Variants in ZBTB20 observed in about 807,000 individuals in gnomAD.
The protein encoded by ZBTB20 is zinc finger and BTB domain containing 20, also known as zinc finger and BTB domain-containing protein 20.
ZBTB20 carries 9 observed loss-of-function variants against 56.9 expected under a neutral mutation model. That is an observed-to-expected ratio of 0.16 (90% CI 0.10 to 0.28). The LOEUF (loss-of-function observed/expected upper bound fraction) is 0.28, where lower values mean the gene tolerates loss of function less well. ZBTB20 is among the 10% of genes least tolerant of loss of function. The pLI is 1.00. For missense variants in ZBTB20, 655 were observed against 1,003.0 expected, an observed-to-expected ratio of 0.65 and a Z score of 4.69; for synonymous variants, 417 against 420.7, an observed-to-expected ratio of 0.99 and a Z score of 0.11.
rs1437612182 is a variant in ZBTB20 at position 114,748,345 on chromosome 3, CTTTCTTT to C, written c.-343+52749_-343+52755del. 5.7e-3 allele frequency among the ~76,000 whole-genome samples: 177 copies of C among 31,172 alleles called. 3 individuals carry two copies. The highest frequency in any genetic ancestry group is 0.01 in the African/African-American group (153 of 14,686). The allele number at this position is 31,172 out of a possible 152,430, so 20.5% of individuals were successfully genotyped here. The stretch of plus-strand genomic sequence containing the variant: ...TTCTTTCTTTCTTTCTTCTTTCTTT[CTTTCTTT>C]TCTCTCTCTCTCTCTCTCTCTCTCT... On this transcript the variant is annotated intron_variant, in intron 5 of 11. Transcript: ENST00000675478.
At chr3:114,607,118 AAATG>A (rs113831792) in intron 6 of ZBTB20, among the ~76,000 whole-genome samples, 25,539 of 151,608 alleles carry the variant, frequency 0.17, 2,381 homozygotes, top group Admixed American at 0.26. Flanking sequence ...ATAAATAAAT[AAATG>A]AATAAATTCT....
chr3:115,082,876 C>T (rs1399112255), intron 1 of ZBTB20, among the ~76,000 whole-genome samples: 1 of 151,966 alleles, frequency 6.6e-6, no homozygotes, highest in Non-Finnish European at 1.5e-5. Context: ...CTTAAATATA[C>T]TCATATTGTA....
At chr3:114,777,461 AC>A (rs1288196506) in intron 5 of ZBTB20, among the ~76,000 whole-genome samples, 13 of 152,174 alleles carry the variant, frequency 8.5e-5, no homozygotes, top group African/African-American at 3.1e-4. Context: ...CCAAGATCAC[AC>A]CATTGCATGC....
chr3:114,731,058 T>G (rs932215536), intron 5 of ZBTB20, among the ~76,000 whole-genome samples: 4 of 152,150 alleles, frequency 2.6e-5, no homozygotes, highest in South Asian at 4.1e-4. Flanking sequence ...CTTGAGTATT[T>G]TATTCTTGTA....
intron 5 of ZBTB20, among the ~76,000 whole-genome samples, chr3:114,699,462 AT>A (rs2063257174): frequency 1.3e-5 from 2 of 151,990 alleles, no homozygotes; most frequent in African/African-American, 4.8e-5. Context: ...GAAAAAAAAA[AT>A]TCTGGTTTAG....
chr3:114,366,408 A>C (rs1403595229), intron 10 of ZBTB20, among the ~76,000 whole-genome samples: 1 of 152,160 alleles, frequency 6.6e-6, no homozygotes, highest in East Asian at 1.9e-4. Context: ...GTGGGACTGT[A>C]ACCCTGAGAA....
At chr3:114,875,347 C>T (rs2076154059) in intron 4 of ZBTB20, among the ~76,000 whole-genome samples, 1 of 152,180 alleles carries the variant, frequency 6.6e-6, no homozygotes, top group African/African-American at 2.4e-5. Context: ...TTTGCACCTT[C>T]ACATTGAAAT....
chr3:114,464,191 G>A (rs1056667872), intron 7 of ZBTB20, among the ~76,000 whole-genome samples: 13 of 151,718 alleles, frequency 8.6e-5, no homozygotes, highest in Non-Finnish European at 1.2e-4. Context: ...TTTCTTGGGG[G>A]GCAATTTATG....
chr3:114,661,650 C>A (rs78803549), intron 6 of ZBTB20, among the ~76,000 whole-genome samples: 14,878 of 152,138 alleles, frequency 0.098, 855 homozygotes, highest in Middle Eastern at 0.16. Context: ...AGCACCACAG[C>A]ACATTTATAA....
chr3:114,705,746 C>T (rs764739423), intron 5 of ZBTB20, among the ~76,000 whole-genome samples: 20 of 152,200 alleles, frequency 1.3e-4, no homozygotes, highest in Non-Finnish European at 2.4e-4. Context: ...GTGAGCCATC[C>T]GAACACGGAG....
chr3:114,347,927 A>G (rs1048697315), intron 11 of ZBTB20, among the ~76,000 whole-genome samples: 5 of 152,244 alleles, frequency 3.3e-5, no homozygotes, highest in African/African-American at 1.2e-4. Context: ...CATAACTCAG[A>G]TTTATAAAAT....
chr3:114,414,131 G>A (rs138083639), intron 7 of ZBTB20, among the ~76,000 whole-genome samples: 5 of 152,190 alleles, frequency 3.3e-5, no homozygotes, highest in African/African-American at 1.2e-4. Flanking sequence ...GAGGTAAAAG[G>A]CATGCTGCTA....
chr3:115,109,596 C>T (rs187041344), intron 1 of ZBTB20, among the ~76,000 whole-genome samples: 12 of 152,084 alleles, frequency 7.9e-5, no homozygotes, highest in Admixed American at 2.0e-4. Context: ...AAGTAGTAAA[C>T]GTCGGGCCTA....
At chr3:114,403,133 T>C (rs2086970963) in intron 7 of ZBTB20, among the ~76,000 whole-genome samples, 1 of 152,192 alleles carries the variant, frequency 6.6e-6, no homozygotes, top group South Asian at 2.1e-4. Context: ...TTAATATTTT[T>C]AAATGATTGA....
At chr3:114,413,064 G>A (rs991824664) in intron 7 of ZBTB20, among the ~76,000 whole-genome samples, 1 of 151,910 alleles carries the variant, frequency 6.6e-6, no homozygotes, top group Non-Finnish European at 1.5e-5. Context: ...AAAAGGTAAC[G>A]GCAACTCATG....
intron 2 of ZBTB20, among the ~76,000 whole-genome samples, chr3:114,978,496 T>A (rs1423643696): frequency 6.6e-6 from 1 of 151,556 alleles, no homozygotes; most frequent in Non-Finnish European, 1.5e-5. Flanking sequence ...TCATTAGACA[T>A]GGCAAGTGAA....
chr3:114,714,689 C>T (rs1483959127), intron 5 of ZBTB20, among the ~76,000 whole-genome samples: 1 of 152,140 alleles, frequency 6.6e-6, no homozygotes, highest in Non-Finnish European at 1.5e-5. Context: ...GCAGGCTGTA[C>T]CACTGTGCCC....
chr3:115,138,906 A>C (rs2084731169), intron 1 of ZBTB20, among the ~76,000 whole-genome samples: 1 of 152,006 alleles, frequency 6.6e-6, no homozygotes, highest in Non-Finnish European at 1.5e-5. Context: ...GCTTTAGAAG[A>C]GTTACAGTGA....
chr3:114,565,829 A>T (rs75608522), intron 6 of ZBTB20, among the ~76,000 whole-genome samples: 5,036 of 152,132 alleles, frequency 0.033, 271 homozygotes, highest in African/African-American at 0.11. Context: ...TAGTTCTCAT[A>T]TCCAGTACTG....
Sources: allele counts gnomAD v4.1 joint callset (sites outside exome capture counted in the v4.1 genomes callset), GRCh38; gene constraint gnomAD v4.1.1; transcripts MANE v1.5; gene names NCBI Gene and HGNC (gene_info 2026-07-23, HGNC 2026-07-21).